Variants in PKNOX2 observed in about 807,000 individuals in gnomAD.
PKNOX2 encodes the protein homeobox protein PKNOX2.
PKNOX2 carries 14 observed loss-of-function variants against 53.1 expected under a neutral mutation model. The ratio of observed to expected loss-of-function variants is 0.26; its 90% CI spans 0.17 to 0.41. PKNOX2 has a LOEUF of 0.41. PKNOX2 is among the 10% of genes least tolerant of loss of function. The pLI, the probability that PKNOX2 is intolerant of heterozygous loss-of-function variation, is 1.00. For missense variants in PKNOX2, 496 were observed against 602.8 expected, an observed-to-expected ratio of 0.82 and a Z score of 1.85; for synonymous variants, 257 against 242.8, an observed-to-expected ratio of 1.06 and a Z score of -0.54.
chr11:125,258,482 A>T (rs1295132658), intron 2 of PKNOX2: 1 of 152,580 alleles, frequency 6.6e-6, no homozygotes, highest in African/African-American at 2.4e-5. Context: ...TTGGCCACAG[A>T]TAATTGGGCT....
At chr11:125,401,888 G>A (rs1336372349) in intron 7 of PKNOX2, among the ~76,000 whole-genome samples, 2 of 152,136 alleles carry the variant, frequency 1.3e-5, no homozygotes, top group African/African-American at 2.4e-5. Flanking sequence ...GGGGAGGGGT[G>A]TCTCCCCTCT....
At chr11:125,278,489 A>C (rs1213410453) in intron 2 of PKNOX2, among the ~76,000 whole-genome samples, 1 of 152,198 alleles carries the variant, frequency 6.6e-6, no homozygotes, top group East Asian at 1.9e-4. Context: ...TAGGACCCTC[A>C]GACTCCCGAT....
intron 7 of PKNOX2, among the ~76,000 whole-genome samples, chr11:125,404,362 C>G (rs1461306877): frequency 6.6e-6 from 1 of 152,226 alleles, no homozygotes; most frequent in Non-Finnish European, 1.5e-5. Context: ...GCAGCAGCTG[C>G]TGCTTGTCCC....
At chr11:125,220,874 G>A (rs1941073066) in intron 1 of PKNOX2, among the ~76,000 whole-genome samples, 1 of 152,172 alleles carries the variant, frequency 6.6e-6, no homozygotes, top group Non-Finnish European at 1.5e-5. Flanking sequence ...ACGTCCCAGG[G>A]AGAGGGCAGG....
chr11:125,316,962 A>T (rs1163810681), intron 2 of PKNOX2, among the ~76,000 whole-genome samples: 1 of 152,236 alleles, frequency 6.6e-6, no homozygotes, highest in African/African-American at 2.4e-5. Context: ...CTTGGAGTCA[A>T]TTCTCTCTAA....
At chr11:125,388,600 C>A (rs1953813112) in intron 6 of PKNOX2, among the ~76,000 whole-genome samples, 1 of 152,248 alleles carries the variant, frequency 6.6e-6, no homozygotes, top group South Asian at 2.1e-4. Context: ...CCCCAGGGTC[C>A]TCAAGCCCCA....
chr11:125,385,157 C>T (rs1270745507), intron 5 of PKNOX2, among the ~76,000 whole-genome samples: 1 of 152,198 alleles, frequency 6.6e-6, no homozygotes, highest in Non-Finnish European at 1.5e-5. Flanking sequence ...TGACCTACCA[C>T]GAATGTTCAC....
intron 1 of PKNOX2, among the ~76,000 whole-genome samples, chr11:125,197,768 G>A (rs921419145): frequency 1.1e-4 from 17 of 152,290 alleles, no homozygotes; most frequent in African/African-American, 2.4e-4. Context: ...TCCTGGCTAC[G>A]GCTGCCGGTG....
At chr11:125,202,762 C>A (rs681452) in intron 1 of PKNOX2, among the ~76,000 whole-genome samples, 69,263 of 151,960 alleles carry the variant, frequency 0.46, 16,160 homozygotes, top group Middle Eastern at 0.53. Flanking sequence ...AATTTCATCA[C>A]CCCTTCAGGC....
chr11:125,338,742 C>T (rs903785776), intron 3 of PKNOX2, among the ~76,000 whole-genome samples: 8 of 152,198 alleles, frequency 5.3e-5, no homozygotes, highest in African/African-American at 1.9e-4. Flanking sequence ...GTCCACTGTG[C>T]AAAATTGCCT....
chr11:125,393,477 T>C (rs543657348), intron 6 of PKNOX2, among the ~76,000 whole-genome samples: 3 of 152,220 alleles, frequency 2.0e-5, no homozygotes, highest in African/African-American at 7.2e-5. Context: ...GAGGAGAAGA[T>C]GCAGCCTGTG....
At chr11:125,178,684 G>GAAAGAAAAAGAAAGAA (rs1565462539) in intron 1 of PKNOX2, among the ~76,000 whole-genome samples, 1 of 99,572 alleles carries the variant, frequency 1.0e-5, no homozygotes, top group African/African-American at 5.7e-5. Context: ...GAAAGAGAGA[G>GAAAGAAAAAGAAAGAA]AGAGAGAGAG....
At chr11:125,295,864 C>T (rs913837990) in intron 2 of PKNOX2, among the ~76,000 whole-genome samples, 7 of 152,168 alleles carry the variant, frequency 4.6e-5, no homozygotes, top group African/African-American at 1.7e-4. Context: ...TCTGTACCGC[C>T]GGTAGCTCGC....
chr11:125,328,635 T>C (rs1295888540), intron 2 of PKNOX2, among the ~76,000 whole-genome samples: 1 of 152,140 alleles, frequency 6.6e-6, no homozygotes, highest in Non-Finnish European at 1.5e-5. Flanking sequence ...ACCCCACCAC[T>C]CAGGGCACAG....
At chr11:125,358,618 T>G (rs1951750466) in intron 4 of PKNOX2, among the ~76,000 whole-genome samples, 1 of 152,234 alleles carries the variant, frequency 6.6e-6, no homozygotes, top group South Asian at 2.1e-4. Context: ...CCACTTGGCC[T>G]GGGATCAGAA....
chr11:125,245,621 T>G (rs1030634809), intron 2 of PKNOX2, among the ~76,000 whole-genome samples: 3 of 152,192 alleles, frequency 2.0e-5, no homozygotes, highest in Non-Finnish European at 2.9e-5. Flanking sequence ...CCCATTAGGA[T>G]GGCTTATCCT....
At chr11:125,288,631 C>G (rs1480679893) in intron 2 of PKNOX2, among the ~76,000 whole-genome samples, 1 of 152,226 alleles carries the variant, frequency 6.6e-6, no homozygotes, top group Non-Finnish European at 1.5e-5. Context: ...TTGAGGCCTT[C>G]CCCTCCTTGG....
intron 7 of PKNOX2, among the ~76,000 whole-genome samples, chr11:125,409,616 GC>G (rs2135536187): frequency 6.6e-6 from 1 of 152,248 alleles, no homozygotes; most frequent in African/African-American, 2.4e-5. Context: ...CTCTGTGTGT[GC>G]AGCCTAGTGT....
chr11:125,216,373 G>A (rs1270490170), intron 1 of PKNOX2, among the ~76,000 whole-genome samples: 1 of 152,150 alleles, frequency 6.6e-6, no homozygotes, highest in African/African-American at 2.4e-5. Context: ...TGTCAGATGG[G>A]GTAAGTTGCT....
Sources: allele counts gnomAD v4.1 joint callset (sites outside exome capture counted in the v4.1 genomes callset), GRCh38; gene constraint gnomAD v4.1.1; transcripts MANE v1.5; gene names NCBI Gene and HGNC (gene_info 2026-07-23, HGNC 2026-07-21).